The following MYOM2 variants were observed in gnomAD, a reference collection of about 807,000 sequenced individuals.
MYOM2 encodes the protein myomesin-2.
Under a neutral mutation model 187.6 loss-of-function variants are expected in MYOM2, and 254 were observed. That is an observed-to-expected ratio of 1.35 (90% confidence interval 1.22 to 1.50). The LOEUF is 1.50. Ranked by LOEUF, MYOM2 falls within the 40% of genes most tolerant of loss-of-function variation. The pLI, the probability that MYOM2 is intolerant of heterozygous loss-of-function variation, is 0.00. For missense variants in MYOM2, 2,796 were observed against 1,924.0 expected (o/e 1.45, Z -8.48); for synonymous variants, 981 against 753.8 (o/e 1.30, Z -4.94).
At chr8:2,110,161 A>G (rs921656775) in intron 25 of MYOM2, among the ~76,000 whole-genome samples, 3 of 152,178 alleles carry the variant, frequency 2.0e-5, no homozygotes, top group African/African-American at 7.2e-5. Context: ...CATCTCTACA[A>G]AAACTTAAGA....
At position 2,098,838 on chromosome 8, in the gene MYOM2, T is replaced by A. The variant is rs748989159; in HGVS notation, c.2314-19T>A. 2 of 1,601,250 alleles carry A rather than the reference T, an allele frequency of 1.2e-6. No individual in the cohort carries two copies. Among genetic ancestry groups the A allele is most frequent in the Non-Finnish European group, 1.7e-6 (2 of 1,170,366 alleles). On this transcript the variant is annotated intron_variant, in intron 18 of 36. Transcript: ENST00000262113. Reference sequence around the variant, plus strand: ...GGCATCCTTTATCTCATGTATTAATTTAAACAAAATCTGAATAGGTGGACG... The same window carrying A: ...GGCATCCTTTATCTCATGTATTAATATAAACAAAATCTGAATAGGTGGACG...
intron 6 of MYOM2, among the ~76,000 whole-genome samples, chr8:2,068,021 T>A (rs142037500): frequency 6.6e-6 from 1 of 152,240 alleles, no homozygotes; most frequent in African/African-American, 2.4e-5. Flanking sequence ...AGGTACAAGC[T>A]GTGTTGAGGG....
intron 32 of MYOM2, among the ~76,000 whole-genome samples, chr8:2,140,314 G>A (rs7832635): frequency 0.076 from 9,688 of 127,876 alleles, 511 homozygotes; most frequent in African/African-American, 0.2. Flanking sequence ...CCACCGGGGC[G>A]GTCGTGAACG....
chr8:2,089,470 T>C (rs1796218036), intron 14 of MYOM2, among the ~76,000 whole-genome samples: 2 of 152,212 alleles, frequency 1.3e-5, no homozygotes, highest in South Asian at 4.1e-4. Context: ...TTCCTCTTAT[T>C]AGACTAAAGA....
At chr8:2,073,562 C>T in intron 10 of MYOM2, 62 bp downstream of exon 10, 1 of 1,514,986 alleles carries the variant, frequency 6.6e-7, no homozygotes, top group Non-Finnish European at 8.8e-7. Context: ...GGAGGCAGCC[C>T]TGGGAGGAGG....
intron 5 of MYOM2, among the ~76,000 whole-genome samples, chr8:2,058,749 G>A (rs1818755556): frequency 6.6e-6 from 1 of 152,150 alleles, no homozygotes; most frequent in South Asian, 2.1e-4. Context: ...CCTGGATGGA[G>A]CCATGAAGCC....
intron 20 of MYOM2, among the ~76,000 whole-genome samples, chr8:2,101,709 C>A (rs984633657): frequency 6.6e-6 from 1 of 152,050 alleles, no homozygotes; most frequent in Admixed American, 6.5e-5. Context: ...TGTGTGCTTT[C>A]CAAAGGGATG....
At chr8:2,087,742 C>A (rs1453154107) in intron 14 of MYOM2, among the ~76,000 whole-genome samples, 1 of 152,236 alleles carries the variant, frequency 6.6e-6, no homozygotes, top group African/African-American at 2.4e-5. Context: ...CCCTAACACC[C>A]AGAGTAGCTG....
intron 28 of MYOM2, among the ~76,000 whole-genome samples, chr8:2,120,680 T>TATATATACATATAATATATATATGTTATA: frequency 2.1e-5 from 1 of 48,300 alleles, no homozygotes; most frequent in Non-Finnish European, 4.1e-5. Context: ...ATATATTATA[T>TATATATACATATAATATATATATGTTATA]TATATATAAA....
In MYOM2 at chr8:2,052,110, A is replaced by G. The variant is rs754368510; in HGVS notation, c.108-48A>G. On this transcript the variant is annotated intron_variant, in intron 2 of 36. Transcript: ENST00000262113. The stretch of plus-strand genomic sequence containing the variant: ...GTGATGTGTGTCAGGATAAATTTCC[A>G]TACTGTGCCTGAGCATGCATCTCCT... 8 of 1,606,816 alleles carry G rather than the reference A, an allele frequency of 5.0e-6. No individual in the cohort carries two copies. In the East Asian group the frequency reaches 6.7e-5, roughly 13 times the overall value.
chr8:2,100,733 G>A (rs1191600451), intron 19 of MYOM2, 143 bp from the exon 20 acceptor site: 2 of 781,490 alleles, frequency 2.6e-6, no homozygotes, highest in African/African-American at 3.4e-5. Context: ...AAGAGAGGCT[G>A]ATAAACATCA....
intron 32 of MYOM2, among the ~76,000 whole-genome samples, chr8:2,132,262 G>C (rs1797900861): frequency 6.6e-6 from 1 of 152,126 alleles, no homozygotes; most frequent in Admixed American, 6.5e-5. Flanking sequence ...GGGTGACATG[G>C]AATCAATAGA....
Position 2,096,235 on chromosome 8 carries a change from G to T in MYOM2, c.2126-12G>T. The T allele has an allele frequency of 6.2e-7, 1 of 1,608,368 alleles. No homozygotes were observed. Among genetic ancestry groups the T allele is most frequent in the Non-Finnish European group, 8.5e-7 (1 of 1,176,092 alleles). On this transcript the variant is annotated splice_polypyrimidine_tract_variant and intron_variant, in intron 17 of 36. Transcript: ENST00000262113. ...AGGCCCTCGGTAACTCCCTGGTTGT[G>T]CTTCCTTGCAGCCGTCCCGTCCCAT...
Position 2,110,357 on chromosome 8 carries a change from C to T in MYOM2, c.3180+826C>T, listed in dbSNP as rs552761402. Among the ~76,000 whole-genome samples, 193 of 152,304 alleles carry T rather than the reference C, an allele frequency of 1.3e-3. 1 individual carries two copies. Among genetic ancestry groups the T allele is most frequent in the South Asian group, 2.1e-3 (10 of 4,826 alleles). On this transcript the variant is annotated intron_variant, in intron 25 of 36. Transcript: ENST00000262113. ...AACAAAAAAGGCACATGCTCTGTCA[C>T]GGTCCAGACACCGCCTCGGTTCTGC...
Position 2,050,869 on chromosome 8 carries a change from A to C in MYOM2, c.103A>C (p.Lys35Gln). 6.2e-7 allele frequency: 1 copy of C among 1,608,216 alleles called. No individual in the cohort carries two copies. Among genetic ancestry groups the C allele is most frequent in the Non-Finnish European group, 8.5e-7 (1 of 1,175,000 alleles). ...GTACCTGCTGGACGAATATGCGTCA[A>C]AAAAGTAAGCTGACATTCGCTGATG... Reference protein sequence around the residue: ...TRYLLDEYASKKRASTQASSQ... With the variant: ...TRYLLDEYASQKRASTQASSQ... Residue 35 changes from lysine (K) to glutamine (Q), a missense_variant, in exon 2 of 37, where the codon AAA becomes CAA. By Grantham distance (53) the Lys-to-Gln change is moderately conservative. Transcript: ENST00000262113.
chr8:2,110,197 C>G lies in MYOM2; in HGVS notation c.3180+666C>G, dbSNP rs746066945. Among the ~76,000 whole-genome samples the G allele has an allele frequency of 3.9e-5, 6 of 152,200 alleles. No individual in the cohort carries two copies. The South Asian group carries it at 1.2e-3, about 32-fold the overall frequency. On this transcript the variant is annotated intron_variant, in intron 25 of 36. Coordinates refer to ENST00000262113, the MANE Select transcript of MYOM2 (RefSeq NM_003970.4). Reference sequence around the variant, plus strand: ...AATTAGTTGGGCATGGTGATGCTCACCTGTAGTTCCAGCTACTTAGGAGGC... The same window carrying G: ...AATTAGTTGGGCATGGTGATGCTCAGCTGTAGTTCCAGCTACTTAGGAGGC...
Position 2,106,479 on chromosome 8 carries a change from C to G in MYOM2, c.2892-12C>G, listed in dbSNP as rs756359174. The G allele has an allele frequency of 6.2e-7, 1 of 1,610,788 alleles. No individual in the cohort carries two copies. The highest frequency in any genetic ancestry group is 1.1e-5 in the South Asian group (1 of 91,002). On this transcript the variant is annotated splice_polypyrimidine_tract_variant and intron_variant, in intron 22 of 36. Coordinates refer to ENST00000262113, the MANE Select transcript of MYOM2 (RefSeq NM_003970.4). ...AAATGATCGACATTCACCTACTCTT[C>G]TTCCTTTTTAGCTCCAAGCTGTACT...
chr8:2,144,822 G>A lies in MYOM2; in HGVS notation c.4239G>A (p.Ser1413=), dbSNP rs1428626909. The A allele has an allele frequency of 5.0e-6, 8 of 1,614,066 alleles. No individual in the cohort carries two copies. Among genetic ancestry groups the A allele is most frequent in the South Asian group, 2.2e-5 (2 of 91,084 alleles). ...TCAAAGGCGTGACCTCCGAGGACTC[G>A]GGCAAGTACAGCATCAACATCAAGA... ...MTIKGVTSED[S]GKYSINIKNK... Residue 1413 remains serine, a synonymous_variant, in exon 37 of 37, where the codon TCG becomes TCA. Transcript: ENST00000262113.
At chr8:2,092,763 T>C (rs1471302447) in intron 16 of MYOM2, among the ~76,000 whole-genome samples, 1 of 11,614 alleles carries the variant, frequency 8.6e-5, no homozygotes, top group Non-Finnish European at 6.1e-4. Flanking sequence ...CCAGAACCTG[T>C]TTTTTTTTCC....
Sources: allele counts gnomAD v4.1 joint callset (sites outside exome capture counted in the v4.1 genomes callset), GRCh38; gene constraint gnomAD v4.1.1; transcripts MANE v1.5; gene names NCBI Gene and HGNC (gene_info 2026-07-23, HGNC 2026-07-21).